RB1CC1: variants seen among roughly 807,000 people sequenced by gnomAD.
RB1CC1 encodes the protein RB1-inducible coiled-coil protein 1.
A neutral mutation model predicts 177.5 loss-of-function variants in RB1CC1; 46 were observed. The ratio of observed to expected loss-of-function variants is 0.26; its 90% CI spans 0.20 to 0.33. The LOEUF (loss-of-function observed/expected upper bound fraction) is 0.33, where lower values mean the gene tolerates loss of function less well. Ranked by LOEUF, RB1CC1 falls within the 10% of genes least tolerant of loss-of-function variation. RB1CC1 has a pLI of 1.00. For synonymous variants in RB1CC1, 666 were observed against 613.6 expected (o/e 1.09, Z -1.26); for missense variants, 1,703 against 1,816.3 (o/e 0.94, Z 1.13).
intron 3 of RB1CC1, 148 bp downstream of exon 3, chr8:52,685,251 G>A (rs561519784): frequency 5.3e-5 from 30 of 563,186 alleles, no homozygotes; most frequent in Middle Eastern, 4.6e-4. Context: ...TGATCCGCCC[G>A]CCTCAGCCTC....
rs746250337 is a variant in RB1CC1 at position 52,642,419 on chromosome 8, T to G, written c.4269A>C (p.Arg1423Ser). 5 of 1,613,980 alleles carry G rather than the reference T, an allele frequency of 3.1e-6. No individual in the cohort carries two copies. In the Admixed American group the frequency reaches 8.3e-5, roughly 27 times the overall value. Residue 1423 changes from arginine to serine, a missense_variant, in exon 18 of 24, where the codon AGA becomes AGC. Arg to Ser is a moderately radical substitution (Grantham distance 110). Around this residue, in one of 6 missense-constraint regions of RB1CC1, gnomAD observed 1,169 missense variants for 1,184.7 expected, o/e 0.99. Coordinates refer to ENST00000025008, the MANE Select transcript of RB1CC1 (RefSeq NM_014781.5). ...CTTCATCTGCTGTTTCCACAGCGGA[T>G]CTATCTGATTCACCTGGGAGTTCAG... ...CAPELPGESDRSAVETADEGR... is the reference protein window; with the variant it reads ...CAPELPGESDSSAVETADEGR...
At chr8:52,638,272 T>C (rs567215079) in intron 18 of RB1CC1, among the ~76,000 whole-genome samples, 2 of 152,198 alleles carry the variant, frequency 1.3e-5, no homozygotes, top group African/African-American at 2.4e-5. Context: ...TCTACTGATA[T>C]AGTGTATGAC....
intron 15 of RB1CC1, among the ~76,000 whole-genome samples, chr8:52,653,280 C>G (rs961785293): frequency 2.6e-5 from 4 of 151,998 alleles, no homozygotes; most frequent in Non-Finnish European, 5.9e-5. Context: ...CACTGAAATT[C>G]AATGAATTTA....
intron 2 of RB1CC1, chr8:52,685,991 T>G (rs944631904): frequency 2.0e-5 from 3 of 152,230 alleles, no homozygotes; most frequent in Non-Finnish European, 2.9e-5. Flanking sequence ...TGAATCCCAA[T>G]TCCTTCCATC....
intron 1 of RB1CC1, among the ~76,000 whole-genome samples, chr8:52,689,980 T>C (rs1226775583): frequency 6.6e-6 from 1 of 151,742 alleles, no homozygotes; most frequent in African/African-American, 2.4e-5. Context: ...GTAGGCATAA[T>C]TATCATAAAT....
At chr8:52,646,147 C>T (rs966467000) in intron 15 of RB1CC1, among the ~76,000 whole-genome samples, 10 of 152,128 alleles carry the variant, frequency 6.6e-5, no homozygotes, top group African/African-American at 2.4e-4. Flanking sequence ...CAAGAGGCTG[C>T]TCTGCCCATG....
chr8:52,712,270 C>T (rs144671428), intron 1 of RB1CC1, among the ~76,000 whole-genome samples: 1 of 152,208 alleles, frequency 6.6e-6, no homozygotes, highest in East Asian at 1.9e-4. Flanking sequence ...ATTCATAAGA[C>T]ATACACATCT....
In RB1CC1 at chr8:52,694,595, T is replaced by C. The variant is rs79103798; in HGVS notation, c.-166-7628A>G. ...CCTTTAGAGAGAAAGTGTGTGCCTC[T>C]TCCTCCAAAGCTTAAGCAACTACAG... is the stretch of plus-strand genomic sequence containing the variant. On this transcript the variant is annotated intron_variant, in intron 1 of 23. Transcript: ENST00000025008. 5.4e-3 allele frequency among the ~76,000 whole-genome samples: 829 copies of C among 152,324 alleles called. 7 individuals are homozygous for C. The highest frequency in any genetic ancestry group is 0.019 in the African/African-American group (797 of 41,578).
At chr8:52,624,048 C>CA (rs1388602390) in intron 23 of RB1CC1, among the ~76,000 whole-genome samples, 189 bp from the exon 24 acceptor site, 4 of 151,826 alleles carry the variant, frequency 2.6e-5, no homozygotes, top group Non-Finnish European at 4.4e-5. Context: ...GGGTCTTTAT[C>CA]AAACTATGTA....
At chr8:52,624,616 C>T in intron 23 of RB1CC1, 101 bp downstream of exon 23, 2 of 940,222 alleles carry the variant, frequency 2.1e-6, no homozygotes, top group Non-Finnish European at 3.3e-6. Context: ...CTGAAATGAG[C>T]ATAAAGGCCA....
chr8:52,699,427 C>T (rs113676250), intron 1 of RB1CC1, among the ~76,000 whole-genome samples: 1 of 151,998 alleles, frequency 6.6e-6, no homozygotes, highest in Non-Finnish European at 1.5e-5. Flanking sequence ...TTGGCCATGA[C>T]GTGATGATAA....
intron 6 of RB1CC1, among the ~76,000 whole-genome samples, chr8:52,675,538 T>C (rs961247789): frequency 3.9e-5 from 6 of 151,974 alleles, no homozygotes; most frequent in African/African-American, 1.2e-4. Flanking sequence ...TGTACTTCTA[T>C]GCAAAGAACT....
chr8:52,686,741 GAATT>G (rs1854306831), intron 2 of RB1CC1, 108 bp downstream of exon 2: 1 of 322,256 alleles, frequency 3.1e-6, no homozygotes, highest in Non-Finnish European at 6.1e-6. Flanking sequence ...AAGCCTTAGA[GAATT>G]ATTAGAGAAG....
At chr8:52,687,979 G>A (rs1355989034) in intron 1 of RB1CC1, among the ~76,000 whole-genome samples, 1 of 152,160 alleles carries the variant, frequency 6.6e-6, no homozygotes, top group Non-Finnish European at 1.5e-5. Context: ...AACATAAATT[G>A]TGAACATTTC....
At chr8:52,674,330 A>G in intron 6 of RB1CC1, 56 bp from the exon 7 acceptor site, 7 of 1,414,538 alleles carry the variant, frequency 4.9e-6, no homozygotes, top group Non-Finnish European at 5.9e-6. Flanking sequence ...ATTAGGAATT[A>G]GCATGTTTGA....
intron 18 of RB1CC1, among the ~76,000 whole-genome samples, chr8:52,637,612 G>A (rs1849246703): frequency 6.6e-6 from 1 of 152,000 alleles, no homozygotes; most frequent in African/African-American, 2.4e-5. Flanking sequence ...TAAAAGATCA[G>A]GCTATGTATG....
chr8:52,712,449 A>G (rs1857134156), intron 1 of RB1CC1, among the ~76,000 whole-genome samples: 1 of 151,700 alleles, frequency 6.6e-6, no homozygotes, highest in Non-Finnish European at 1.5e-5. Flanking sequence ...TTGATTTGCT[A>G]AAGTAAATCT....
intron 18 of RB1CC1, 104 bp downstream of exon 18, chr8:52,642,247 G>C: frequency 7.3e-7 from 1 of 1,371,600 alleles, no homozygotes; most frequent in Non-Finnish European, 9.9e-7. Context: ...CAGATACATG[G>C]GCTGTGGACA....
At position 52,623,841 on chromosome 8, in the gene RB1CC1, C is replaced by A; in HGVS notation, c.4726G>T (p.Val1576Phe). ...CTGTAAAACTTTGTCCCCAAAGGAA[C>A]TTTAAATCTGTTTTGTGCCTAAGAG... Reference protein sequence around the residue: ...QAKKAQNRFKVPLGTKFYRVK... With the variant: ...QAKKAQNRFKFPLGTKFYRVK... The change falls in exon 24 of 24, where the codon GTT (valine) becomes TTT (phenylalanine). Residue 1576 changes from valine (V) to phenylalanine (F), a missense_variant. Physicochemically the swap from Val to Phe is conservative, Grantham distance 50. Coordinates refer to ENST00000025008, the MANE Select transcript of RB1CC1 (RefSeq NM_014781.5). 6.2e-7 allele frequency: 1 copy of A among 1,608,208 alleles called. No homozygotes were observed. Among genetic ancestry groups the A allele is most frequent in the Non-Finnish European group, 8.5e-7 (1 of 1,175,352 alleles).
Sources: allele counts gnomAD v4.1 joint callset (sites outside exome capture counted in the v4.1 genomes callset), GRCh38; gene constraint gnomAD v4.1.1; regional missense constraint gnomAD v4.1.1; transcripts MANE v1.5; gene names NCBI Gene and HGNC (gene_info 2026-07-23, HGNC 2026-07-21).